The following GLT1D1 variants were observed in gnomAD, a reference collection of about 807,000 sequenced individuals.
GLT1D1 encodes glycosyltransferase 1 domain containing 1, also known as glycosyltransferase 1 domain-containing protein 1.
A neutral mutation model predicts 28.7 loss-of-function variants in GLT1D1; 21 were observed. That is an observed-to-expected ratio of 0.73 (90% CI 0.52 to 1.05). The LOEUF (loss-of-function observed/expected upper bound fraction) is 1.05, where lower values mean the gene tolerates loss of function less well. GLT1D1 is among the 50% of genes least tolerant of loss of function. The probability of loss-of-function intolerance (pLI) is 0.00; values close to 1 mark genes in which losing one functional copy is unlikely to be tolerated. For synonymous variants in GLT1D1, 147 were observed against 124.8 expected (o/e 1.18, Z -1.19); for missense variants, 343 against 330.6 (o/e 1.04, Z -0.29).
chr12:128,944,682 A>G, intron 4 of GLT1D1: 1 of 705,916 alleles, frequency 1.4e-6, no homozygotes, highest in South Asian at 1.4e-5. Context: ...TTGGAAAACT[A>G]TCCAACAGCT....
intron 3 of GLT1D1, among the ~76,000 whole-genome samples, chr12:128,889,104 C>T (rs1004186730): frequency 6.6e-6 from 1 of 152,034 alleles, no homozygotes; most frequent in Non-Finnish European, 1.5e-5. Context: ...TGGTTGCAAT[C>T]CAGCCTGAGT....
intron 7 of GLT1D1, among the ~76,000 whole-genome samples, chr12:128,980,599 G>A (rs953771005): frequency 2.0e-5 from 3 of 152,202 alleles, no homozygotes; most frequent in African/African-American, 7.2e-5. Flanking sequence ...TGGATGTTCC[G>A]AGACGGCCTC....
intron 4 of GLT1D1, among the ~76,000 whole-genome samples, chr12:128,940,576 C>T (rs76131872): frequency 0.011 from 1,604 of 152,310 alleles, 25 homozygotes; most frequent in African/African-American, 0.037. Context: ...TGCTTAAAAA[C>T]TTCTGGCCTG....
At chr12:128,972,902 C>T (rs919288030) in intron 7 of GLT1D1, among the ~76,000 whole-genome samples, 25 of 152,202 alleles carry the variant, frequency 1.6e-4, no homozygotes, top group African/African-American at 6.0e-4. Context: ...CATCCCCACA[C>T]ATACCTTTTC....
At chr12:128,926,973 ATAT>A in intron 4 of GLT1D1, 129 bp from the exon 8 acceptor site, 1 of 584,564 alleles carries the variant, frequency 1.7e-6, no homozygotes, top group Non-Finnish European at 3.0e-6. Context: ...AAATTGCCTA[ATAT>A]TATGAATGAA....
At chr12:128,868,217 C>T (rs1956595494) in intron 1 of GLT1D1, among the ~76,000 whole-genome samples, 2 of 152,224 alleles carry the variant, frequency 1.3e-5, no homozygotes, top group African/African-American at 4.8e-5. Context: ...CTGGGTCTCC[C>T]TGAATCCCAG....
In GLT1D1 at chr12:128,982,431, A is replaced by G. The variant is rs994420508; in HGVS notation, c.640-498A>G. 9.2e-5 allele frequency among the ~76,000 whole-genome samples: 14 copies of G among 152,330 alleles called. No homozygotes were observed. In the South Asian group the frequency reaches 1.4e-3, roughly 16 times the overall value. ...AGCAGATACCACCCGTATTGTGAAGACAGGCTTGGCTCTGCACCCAGGGAA... is the reference window on the plus strand; with the variant it reads ...AGCAGATACCACCCGTATTGTGAAGGCAGGCTTGGCTCTGCACCCAGGGAA... On this transcript the variant is annotated intron_variant, in intron 7 of 7. Transcript: ENST00000281703.
chr12:128,896,578 T>A, intron 3 of GLT1D1, among the ~76,000 whole-genome samples: 1 of 143,036 alleles, frequency 7.0e-6, no homozygotes. Context: ...ACACATACTT[T>A]TTTTTTTTTT....
chr12:128,880,600 A>C (rs951622439), intron 2 of GLT1D1, among the ~76,000 whole-genome samples: 4 of 152,288 alleles, frequency 2.6e-5, no homozygotes, highest in Non-Finnish European at 5.9e-5. Flanking sequence ...CCTTCTCTGC[A>C]CCAGTTGCAG....
At chr12:128,864,643 T>C (rs1956470860) in intron 1 of GLT1D1, among the ~76,000 whole-genome samples, 1 of 152,140 alleles carries the variant, frequency 6.6e-6, no homozygotes, top group South Asian at 2.1e-4. Flanking sequence ...GAGTAGAGCC[T>C]GATTCGGGGA....
chr12:128,970,258 T>A (rs1044366490), intron 7 of GLT1D1, among the ~76,000 whole-genome samples: 12 of 152,094 alleles, frequency 7.9e-5, no homozygotes, highest in African/African-American at 2.7e-4. Context: ...CTGTTGCAGG[T>A]GCGTGCACAA....
At chr12:128,914,450 G>T (rs1043484419) in intron 4 of GLT1D1, among the ~76,000 whole-genome samples, 5 of 152,106 alleles carry the variant, frequency 3.3e-5, no homozygotes, top group Admixed American at 6.5e-5. Context: ...TGTGCTGAAG[G>T]ATTCATGGGA....
At chr12:128,872,335 A>G (rs1049885514) in intron 1 of GLT1D1, among the ~76,000 whole-genome samples, 1 of 152,216 alleles carries the variant, frequency 6.6e-6, no homozygotes, top group Non-Finnish European at 1.5e-5. Flanking sequence ...CATCTTCCCT[A>G]TAAATGCAGT....
At chr12:128,979,079 A>C (rs1056467111) in intron 7 of GLT1D1, among the ~76,000 whole-genome samples, 1 of 152,352 alleles carries the variant, frequency 6.6e-6, no homozygotes, top group East Asian at 1.9e-4. Context: ...AATGCAGCCC[A>C]GCAGGTCTCA....
intron 4 of GLT1D1, among the ~76,000 whole-genome samples, chr12:128,918,572 G>T (rs1456056395): frequency 6.6e-6 from 1 of 152,130 alleles, no homozygotes; most frequent in Non-Finnish European, 1.5e-5. Context: ...AAATTTCCAA[G>T]CATTTTATCA....
intron 7 of GLT1D1, among the ~76,000 whole-genome samples, chr12:128,980,937 G>T (rs111477125): frequency 6.6e-6 from 1 of 152,150 alleles, no homozygotes; most frequent in Admixed American, 6.5e-5. Flanking sequence ...AACCATCTTC[G>T]CTGGTAAGCA....
chr12:128,933,131 G>A (rs1475449305), intron 4 of GLT1D1, among the ~76,000 whole-genome samples: 1 of 148,308 alleles, frequency 6.7e-6, no homozygotes, highest in Non-Finnish European at 1.5e-5. Flanking sequence ...CTCCGGGAGA[G>A]AGAGCTTTTT....
chr12:128,933,237 T>G (rs1874125992), intron 4 of GLT1D1, among the ~76,000 whole-genome samples: 1 of 152,378 alleles, frequency 6.6e-6, no homozygotes, highest in Non-Finnish European at 1.5e-5. Flanking sequence ...TCAGCCGACG[T>G]CACTGAACAC....
In GLT1D1 at chr12:128,957,632, T is replaced by C. The variant is rs746998947; in HGVS notation, c.628T>C (p.Ser210Pro). The C allele has an allele frequency of 5.0e-6, 8 of 1,610,582 alleles. No individual in the cohort carries two copies. Among genetic ancestry groups the C allele is most frequent in the Non-Finnish European group, 6.8e-6 (8 of 1,177,018 alleles). ...GCATGAAGTCACAGGGCTACTGTTT[T>C]CCAATCCTCAGGTAAAGAAAAGTTC... Residue 210 changes from serine to proline, a missense_variant, in exon 7 of 8, where the codon TCC becomes CCC. Transcript: ENST00000281703.
Sources: allele counts gnomAD v4.1 joint callset (sites outside exome capture counted in the v4.1 genomes callset), GRCh38; gene constraint gnomAD v4.1.1; transcripts MANE v1.5; gene names NCBI Gene and HGNC (gene_info 2026-07-23, HGNC 2026-07-21).